Variants in TANC1 observed in about 807,000 individuals in gnomAD.
TANC1 encodes the protein protein TANC1.
A neutral mutation model predicts 149.7 loss-of-function variants in TANC1; 77 were observed. The ratio of observed to expected loss-of-function variants is 0.51; its 90% CI spans 0.43 to 0.62. The LOEUF (loss-of-function observed/expected upper bound fraction) is 0.62, where lower values mean the gene tolerates loss of function less well. Ranked by LOEUF, TANC1 falls within the 20% of genes least tolerant of loss-of-function variation. The pLI is 0.00. For synonymous variants in TANC1, 854 were observed against 925.0 expected (o/e 0.92, Z 1.39); for missense variants, 1,985 against 2,321.8 (o/e 0.85, Z 2.98).
chr2:159,120,806 G>A (rs1249672555), intron 4 of TANC1, among the ~76,000 whole-genome samples: 1 of 152,034 alleles, frequency 6.6e-6, no homozygotes, highest in Admixed American at 6.6e-5. Flanking sequence ...TCACTGTGTT[G>A]CCTAAGCTGG....
At chr2:159,224,695 G>C (rs1224947568) in intron 23 of TANC1, 1 of 266,102 alleles carries the variant, frequency 3.8e-6, no homozygotes, top group Non-Finnish European at 7.4e-6. Context: ...AGGTGACTCT[G>C]AGCAGCAGCG....
At chr2:159,148,454 C>T (rs2052390425) in intron 5 of TANC1, 1 of 152,284 alleles carries the variant, frequency 6.6e-6, no homozygotes, top group African/African-American at 2.4e-5. Context: ...CCCAGCATTG[C>T]TGTGCAGCAT....
rs753068244 is a variant in TANC1 at position 159,229,769 on chromosome 2, C to T, written c.4343C>T (p.Pro1448Leu). ...DSENEEDTPT[P>L]GLSDHFHSEE... The stretch of plus-strand genomic sequence containing the variant: ...GAGAACGAAGAGGACACCCCAACCC[C>T]TGGCTTAAGTGACCACTTTCACTCT... The change falls in exon 27 of 27, where the codon CCT becomes CTT. Residue 1448 changes from proline to leucine, a missense_variant. Physicochemically the swap from Pro to Leu is moderately conservative, Grantham distance 98. This residue lies in a region of TANC1 where 920 missense variants were observed against 994.7 expected (regional missense o/e 0.92). Transcript: ENST00000263635. 3.1e-6 allele frequency: 5 copies of T among 1,614,112 alleles called. No individual in the cohort carries two copies. The South Asian group carries it at 4.4e-5, about 14-fold the overall frequency.
chr2:159,048,630 G>A (rs2041247692), intron 2 of TANC1, among the ~76,000 whole-genome samples: 1 of 152,146 alleles, frequency 6.6e-6, no homozygotes, highest in Non-Finnish European at 1.5e-5. Flanking sequence ...TGTTAATGCT[G>A]ATCATTCTTG....
intron 2 of TANC1, among the ~76,000 whole-genome samples, chr2:159,020,303 A>G (rs1024434132): frequency 6.6e-6 from 1 of 151,340 alleles, no homozygotes; most frequent in Admixed American, 6.6e-5. Flanking sequence ...TCGTAGAGAC[A>G]GGGTTTCGCC....
chr2:159,035,719 T>C (rs1295740797), intron 2 of TANC1, among the ~76,000 whole-genome samples: 1 of 152,188 alleles, frequency 6.6e-6, no homozygotes, highest in East Asian at 1.9e-4. Flanking sequence ...AAAAACAGGC[T>C]GGAGGGACAG....
chr2:159,107,163 G>A (rs541748926), intron 4 of TANC1, among the ~76,000 whole-genome samples: 1 of 152,258 alleles, frequency 6.6e-6, no homozygotes, highest in South Asian at 2.1e-4. Flanking sequence ...GAGTAGCTGG[G>A]ACTAAATGCA....
At chr2:159,198,937 T>A (rs13430891) in intron 18 of TANC1, 38 bp from the exon 19 acceptor site, 587,020 of 1,500,320 alleles carry the variant, frequency 0.39, 119,035 homozygotes, top group South Asian at 0.44. Flanking sequence ...CACCTCTTGC[T>A]AAGAGAACTC....
intron 5 of TANC1, among the ~76,000 whole-genome samples, chr2:159,145,281 G>A (rs1249569316): frequency 1.3e-5 from 2 of 152,206 alleles, no homozygotes; most frequent in African/African-American, 4.8e-5. Context: ...AAGCACACTT[G>A]AAAATAGATA....
chr2:159,001,886 T>G lies in TANC1; in HGVS notation c.-16+697T>G, dbSNP rs1574051108. Among the ~76,000 whole-genome samples, 1 of 150,290 alleles carries G rather than the reference T, an allele frequency of 6.7e-6. No individual in the cohort carries two copies. Among genetic ancestry groups the G allele is most frequent in the African/African-American group, 2.5e-5 (1 of 40,764 alleles). On this transcript the variant is annotated intron_variant, in intron 2 of 26. Coordinates refer to ENST00000263635, the MANE Select transcript of TANC1 (RefSeq NM_033394.3). This position sits in a 1 kb window ranked among gnomAD's most constrained non-coding sequence, Gnocchi z 4.3. ...AGGCTGTGGGGGAAGGGAGAGGGGG[T>G]TGTTGATGGAGGGAGGACCTGGGAT...
chr2:159,125,914 C>G (rs1036756328), intron 4 of TANC1, among the ~76,000 whole-genome samples: 2 of 152,094 alleles, frequency 1.3e-5, no homozygotes, highest in Admixed American at 1.3e-4. Flanking sequence ...TACTGGCTGT[C>G]AGCTGAGGAT....
At chr2:159,228,706 C>A (rs1434093528) in intron 25 of TANC1, 90 bp from the exon 26 acceptor site, 1 of 859,252 alleles carries the variant, frequency 1.2e-6, no homozygotes, top group Non-Finnish European at 1.9e-6. Flanking sequence ...TGCCTCAGAG[C>A]GCTGCTACCC....
chr2:159,023,033 T>C (rs1180496672), intron 2 of TANC1, among the ~76,000 whole-genome samples: 1 of 152,130 alleles, frequency 6.6e-6, no homozygotes, highest in Non-Finnish European at 1.5e-5. Flanking sequence ...AAATATAAGA[T>C]AGTATACTAA....
Position 159,170,789 on chromosome 2 carries a change from G to A in TANC1, c.1335G>A (p.Pro445=), listed in dbSNP as rs761417028. ...SRMRQIASNS[P]GSSPKTSDPT... ...TGAGGCAGATTGCTTCCAACAGCCCGGGTTCATCACCTAAAAGTACGTGCA... is the reference window on the plus strand; with the variant it reads ...TGAGGCAGATTGCTTCCAACAGCCCAGGTTCATCACCTAAAAGTACGTGCA... The change falls in exon 10 of 27, where the codon CCG becomes CCA. Residue 445 remains proline (P), a synonymous_variant. Transcript: ENST00000263635. The A allele has an allele frequency of 2.2e-5, 36 of 1,613,708 alleles. No homozygotes were observed. Among genetic ancestry groups the A allele is most frequent in the African/African-American group, 8.0e-5 (6 of 74,922 alleles).
At chr2:159,045,627 A>G (rs931632442) in intron 2 of TANC1, among the ~76,000 whole-genome samples, 1 of 152,208 alleles carries the variant, frequency 6.6e-6, no homozygotes, top group African/African-American at 2.4e-5. Flanking sequence ...ACAATTCTAT[A>G]ATAGTCATTA....
At chr2:159,168,549 G>C (rs1057426646) in intron 8 of TANC1, among the ~76,000 whole-genome samples, 1 of 151,878 alleles carries the variant, frequency 6.6e-6, no homozygotes, top group African/African-American at 2.4e-5. Flanking sequence ...CGATCCACCC[G>C]CCCCAGCCTC....
At chr2:159,208,633 G>T (rs1046309656) in intron 19 of TANC1, among the ~76,000 whole-genome samples, 1 of 152,328 alleles carries the variant, frequency 6.6e-6, no homozygotes, top group African/African-American at 2.4e-5. Context: ...GTTGATGCCT[G>T]TTGCCTTATA....
intron 2 of TANC1, among the ~76,000 whole-genome samples, chr2:159,012,709 A>G (rs1340116236): frequency 1.3e-5 from 2 of 152,218 alleles, no homozygotes; most frequent in African/African-American, 4.8e-5. Flanking sequence ...GAATTACAAA[A>G]CTTGTCACTT....
chr2:159,213,561 A>G (rs1559470511), intron 19 of TANC1, among the ~76,000 whole-genome samples: 1 of 152,122 alleles, frequency 6.6e-6, no homozygotes, highest in Non-Finnish European at 1.5e-5. Flanking sequence ...GCCTGTTTGC[A>G]TAACACAAAT....
Sources: allele counts gnomAD v4.1 joint callset (sites outside exome capture counted in the v4.1 genomes callset), GRCh38; gene constraint gnomAD v4.1.1; regional missense constraint gnomAD v4.1.1; non-coding constraint Gnocchi (gnomAD v3.1); transcripts MANE v1.5; gene names NCBI Gene and HGNC (gene_info 2026-07-23, HGNC 2026-07-21).